The following HIPK3 variants were observed in gnomAD, a reference collection of about 807,000 sequenced individuals.
HIPK3 encodes the protein homeodomain interacting protein kinase 3.
In HIPK3, 47 loss-of-function variants were observed where a neutral mutation model predicts 124.2. That is an observed-to-expected ratio of 0.38 (90% CI 0.30 to 0.48). The LOEUF (loss-of-function observed/expected upper bound fraction) is 0.48, where lower values mean the gene tolerates loss of function less well. Among genes scored for constraint, HIPK3 ranks in the 20% least tolerant of loss-of-function variants. The probability of loss-of-function intolerance (pLI) is 0.98; values close to 1 mark genes in which losing one functional copy is unlikely to be tolerated. For missense variants in HIPK3, 1,286 were observed against 1,454.3 expected (o/e 0.88, Z 1.88); for synonymous variants, 482 against 515.2 (o/e 0.94, Z 0.87).
intron 8 of HIPK3, among the ~76,000 whole-genome samples, chr11:33,344,476 C>T (rs1294010706): frequency 6.6e-6 from 1 of 152,124 alleles, no homozygotes; most frequent in Non-Finnish European, 1.5e-5. Context: ...TTCTAAACAG[C>T]ATTGAGCATA....
At chr11:33,285,648 AG>A (rs1443584833) in intron 1 of HIPK3, among the ~76,000 whole-genome samples, 1 of 151,728 alleles carries the variant, frequency 6.6e-6, no homozygotes, top group Non-Finnish European at 1.5e-5. Flanking sequence ...CTTGGGCTTT[AG>A]GTTTAAGAAA....
chr11:33,342,744 G>A (rs1330897052), intron 8 of HIPK3, among the ~76,000 whole-genome samples: 2 of 151,970 alleles, frequency 1.3e-5, no homozygotes, highest in East Asian at 1.9e-4. Flanking sequence ...TAGTAGAGAC[G>A]GGGTTTTTCC....
Position 33,349,307 on chromosome 11 carries a change from A to G in HIPK3, c.2807+20A>G. The G allele has an allele frequency of 6.3e-7, 1 of 1,594,542 alleles. No homozygotes were observed. Among genetic ancestry groups the G allele is most frequent in the Non-Finnish European group, 8.6e-7 (1 of 1,169,406 alleles). ...GAATAGGTAAAAGAATCTCAATAGT[A>G]GTGTGTAATAAATAGTAAGTCTACT... On this transcript the variant is annotated intron_variant, in intron 14 of 16. Coordinates refer to ENST00000303296, the MANE Select transcript of HIPK3 (RefSeq NM_005734.5).
At chr11:33,298,366 G>A (rs1174105804) in intron 2 of HIPK3, among the ~76,000 whole-genome samples, 1 of 152,176 alleles carries the variant, frequency 6.6e-6, no homozygotes, top group Non-Finnish European at 1.5e-5. Context: ...AAGGCACCTG[G>A]TTACCCAAGA....
At chr11:33,259,335 CAT>C (rs1294711489) in intron 1 of HIPK3, among the ~76,000 whole-genome samples, 2 of 152,070 alleles carry the variant, frequency 1.3e-5, no homozygotes, top group Admixed American at 6.5e-5. Flanking sequence ...GAAGTCTCAC[CAT>C]ATGTTTGATA....
At chr11:33,346,387 T>C (rs1269541643) in intron 8 of HIPK3, among the ~76,000 whole-genome samples, 1 of 152,210 alleles carries the variant, frequency 6.6e-6, no homozygotes, top group East Asian at 1.9e-4. Flanking sequence ...AGTTTTATCA[T>C]CAAATTGGTA....
chr11:33,289,546 G>GTA (rs1851644150), intron 2 of HIPK3, among the ~76,000 whole-genome samples: 1 of 151,878 alleles, frequency 6.6e-6, no homozygotes. Context: ...TCCATAGTAG[G>GTA]TATATATATT....
chr11:33,275,136 C>A (rs1851238148), intron 1 of HIPK3, among the ~76,000 whole-genome samples: 1 of 151,978 alleles, frequency 6.6e-6, no homozygotes, highest in African/African-American at 2.4e-5. Flanking sequence ...GCCTCTCGAG[C>A]TCAAGTGATT....
chr11:33,280,538 A>G (rs907123776), intron 1 of HIPK3, among the ~76,000 whole-genome samples: 3 of 152,184 alleles, frequency 2.0e-5, no homozygotes, highest in Non-Finnish European at 4.4e-5. Context: ...CTGATGAACT[A>G]TAACTTGCAT....
At chr11:33,317,049 C>T (rs932229240) in intron 2 of HIPK3, among the ~76,000 whole-genome samples, 5 of 150,812 alleles carry the variant, frequency 3.3e-5, no homozygotes, top group African/African-American at 1.2e-4. Context: ...TTGCTTGCTG[C>T]AACCTCCGCC....
intron 1 of HIPK3, among the ~76,000 whole-genome samples, chr11:33,269,180 G>T (rs1301591632): frequency 6.6e-6 from 1 of 152,094 alleles, no homozygotes; most frequent in South Asian, 2.1e-4. Context: ...ACATGTCATC[G>T]ACAAACTTAG....
At position 33,348,588 on chromosome 11, in the gene HIPK3, G is replaced by C; in HGVS notation, c.2436G>C (p.Gly812=). The change falls in exon 13 of 17, where the codon GGG becomes GGC. Residue 812 remains glycine (G), a synonymous_variant. Transcript: ENST00000303296. ...TTATTTCTCCAAAGATAATTAATGG[G>C]AAAGATGTCGAGGAAGTAAGTTGTA... ...SAFISPKIIN[G]KDVEEVSCIE... 1 of 1,613,672 alleles carries C rather than the reference G, an allele frequency of 6.2e-7. No individual in the cohort carries two copies. Among genetic ancestry groups the C allele is most frequent in the Non-Finnish European group, 8.5e-7 (1 of 1,179,606 alleles).
chr11:33,316,188 T>G (rs1852496630), intron 2 of HIPK3, among the ~76,000 whole-genome samples: 1 of 152,198 alleles, frequency 6.6e-6, no homozygotes, highest in Non-Finnish European at 1.5e-5. Context: ...TCTGTCTACC[T>G]TTCTAAGAAT....
Position 33,257,701 on chromosome 11 carries a change from T to C in HIPK3, c.-191T>C. On this transcript the variant is annotated 5_prime_UTR_variant, in exon 1 of 17. Transcript: ENST00000303296. ...AGCAGCAGCAGCGGTCGGGGGAGGG[T>C]GTTTCGCCGTTTCCTCTCAGCCGCC... The C allele has an allele frequency of 1.0e-6, 1 of 990,014 alleles. No homozygotes were observed. The highest frequency in any genetic ancestry group is 1.2e-6 in the Non-Finnish European group (1 of 833,842). 61.3% of individuals were successfully genotyped at this position (990,014 alleles called of 1,614,324 possible).
intron 2 of HIPK3, among the ~76,000 whole-genome samples, chr11:33,309,654 C>G (rs1565077676): frequency 6.6e-6 from 1 of 152,202 alleles, no homozygotes; most frequent in African/African-American, 2.4e-5. Context: ...AGCAAACACA[C>G]ATACACCCAC....
At chr11:33,265,267 T>C (rs1240183441) in intron 1 of HIPK3, among the ~76,000 whole-genome samples, 1 of 152,208 alleles carries the variant, frequency 6.6e-6, no homozygotes, top group Non-Finnish European at 1.5e-5. Flanking sequence ...ATAAGACATT[T>C]TCAATGGAGA....
chr11:33,348,093 C>T, intron 11 of HIPK3, 73 bp from the exon 12 acceptor site: 1 of 1,601,336 alleles, frequency 6.2e-7, no homozygotes, highest in Non-Finnish European at 8.6e-7. Flanking sequence ...AAGGGTCACT[C>T]TGTTGTATTC....
At position 33,348,012 on chromosome 11, in the gene HIPK3, A is replaced by T. The variant is rs1483313426; in HGVS notation, c.2305A>T (p.Arg769Ter). 5 of 1,614,004 alleles carry T rather than the reference A, an allele frequency of 3.1e-6. No homozygotes were observed. The highest frequency in any genetic ancestry group is 1.3e-5 in the African/African-American group (1 of 74,942). The change falls in exon 11 of 17, where the codon AGA (arginine) becomes TGA (stop). Residue 769 changes from arginine (R) to a stop codon, truncating the protein, a stop_gained and splice_region_variant. Transcript: ENST00000303296. LOFTEE classifies it high-confidence loss of function. Reference sequence around the variant, plus strand: ...CAAGAAAAATAAACAGTGCCAGAACAGGTTGGTATTGGTGCTTTAGCTTTC... The same window carrying T: ...CAAGAAAAATAAACAGTGCCAGAACTGGTTGGTATTGGTGCTTTAGCTTTC... ...TTKKNKQCQN[R>*]GILVKLMEWE...
chr11:33,348,848 A>G (rs764914369), intron 13 of HIPK3, 30 bp downstream of exon 13: 5 of 1,588,934 alleles, frequency 3.1e-6, no homozygotes, highest in Non-Finnish European at 4.3e-6. Context: ...TCCTCAAAGG[A>G]TATAGATGGC....
Sources: gnomAD v4.1 joint callset for allele counts (sites outside exome capture counted in the v4.1 genomes callset) on GRCh38, gnomAD v4.1.1 for gene constraint, MANE v1.5 for transcripts, NCBI Gene and HGNC (gene_info 2026-07-23, HGNC 2026-07-21) for gene names.